UBR3: variants seen among roughly 807,000 people sequenced by gnomAD.
UBR3 encodes ubiquitin protein ligase E3 component n-recognin 3.
A neutral mutation model predicts 243.2 loss-of-function variants in UBR3; 85 were observed. The ratio of observed to expected loss-of-function variants is 0.35; its 90% confidence interval spans 0.29 to 0.42. The LOEUF is 0.42. UBR3 is among the 10% of genes least tolerant of loss of function. The pLI, the probability that UBR3 is intolerant of heterozygous loss-of-function variation, is 1.00. For synonymous variants in UBR3, 748 were observed against 799.8 expected, an observed-to-expected ratio of 0.94 and a Z score of 1.09; for missense variants, 1,686 against 2,300.8, an observed-to-expected ratio of 0.73 and a Z score of 5.47.
intron 1 of UBR3, among the ~76,000 whole-genome samples, chr2:169,851,852 A>C (rs13385498): frequency 0.25 from 37,041 of 150,928 alleles, 4,732 homozygotes; most frequent in South Asian, 0.41. Context: ...AAAAAAAAAA[A>C]AACAACAGTT....
chr2:169,969,165 T>G (rs1463927958), intron 24 of UBR3, among the ~76,000 whole-genome samples: 19 of 152,220 alleles, frequency 1.2e-4, no homozygotes, highest in Admixed American at 1.1e-3. Flanking sequence ...GTTGATTGTT[T>G]TCTTTGCTGT....
At position 169,907,983 on chromosome 2, in the gene UBR3, A is replaced by G. The variant is rs369074561; in HGVS notation, c.1779+1819A>G. Reference sequence around the variant, plus strand: ...GACAAGGTTTCACCATGTTGCACATACTTGTCTCAAACTCCTGACCTCAGG... The same window carrying G: ...GACAAGGTTTCACCATGTTGCACATGCTTGTCTCAAACTCCTGACCTCAGG... On this transcript the variant is annotated intron_variant, in intron 10 of 38. Coordinates refer to ENST00000272793, the MANE Select transcript of UBR3 (RefSeq NM_172070.4). 2.2e-4 allele frequency among the ~76,000 whole-genome samples: 34 copies of G among 152,080 alleles called. No individual in the cohort carries two copies. In the South Asian group the frequency reaches 7.1e-3, roughly 32 times the overall value.
intron 1 of UBR3, among the ~76,000 whole-genome samples, chr2:169,849,711 T>C (rs56850615): frequency 0.053 from 8,139 of 152,296 alleles, 398 homozygotes; most frequent in African/African-American, 0.13. Flanking sequence ...GATTCAGTTG[T>C]TTGCTGCTTG....
intron 1 of UBR3, among the ~76,000 whole-genome samples, chr2:169,842,268 C>T (rs1032353646): frequency 4.3e-4 from 65 of 152,096 alleles, no homozygotes; most frequent in African/African-American, 6.5e-4. Flanking sequence ...ACCTGTGTGT[C>T]GAAACTCTGT....
intron 32 of UBR3, among the ~76,000 whole-genome samples, chr2:170,055,058 A>G (rs1230479128): frequency 1.3e-5 from 2 of 152,190 alleles, no homozygotes; most frequent in African/African-American, 4.8e-5. Context: ...GCTCTTTGGG[A>G]GGCTGCAGTG....
At chr2:170,079,099 A>G (rs2091863002) in intron 36 of UBR3, among the ~76,000 whole-genome samples, 1 of 152,156 alleles carries the variant, frequency 6.6e-6, no homozygotes, top group South Asian at 2.1e-4. Flanking sequence ...CTCACTCTAC[A>G]TTTTATCTTT....
chr2:169,956,039 A>C (rs2087270575), intron 23 of UBR3, among the ~76,000 whole-genome samples: 1 of 151,792 alleles, frequency 6.6e-6, no homozygotes, highest in Admixed American at 6.6e-5. Context: ...AGAAATTTAT[A>C]TTTAGTTTTA....
At chr2:169,845,492 T>TTCGTCGTCG (rs746655489) in intron 1 of UBR3, among the ~76,000 whole-genome samples, 109 of 123,518 alleles carry the variant, frequency 8.8e-4, no homozygotes, top group East Asian at 4.6e-3. Context: ...CCTTTCCCTC[T>TTCGTCGTCG]TCGTCGTCAT....
chr2:170,025,594 A>T (rs1279504039), intron 30 of UBR3, among the ~76,000 whole-genome samples: 3 of 152,218 alleles, frequency 2.0e-5, no homozygotes, highest in Non-Finnish European at 4.4e-5. Context: ...GCAATCAATT[A>T]TGAGATATTG....
At chr2:170,008,692 G>A in intron 28 of UBR3, 112 bp from the exon 29 acceptor site, 1 of 579,232 alleles carries the variant, frequency 1.7e-6, no homozygotes, top group South Asian at 3.6e-5. Flanking sequence ...GTTCTGTTTT[G>A]ACTTTTTAAT....
At chr2:169,836,823 C>T (rs1373509369) in intron 1 of UBR3, among the ~76,000 whole-genome samples, 1 of 151,964 alleles carries the variant, frequency 6.6e-6, no homozygotes, top group Non-Finnish European at 1.5e-5. Context: ...TATTATTTGC[C>T]TGTTTTGTTT....
At chr2:169,907,621 A>G (rs892045207) in intron 10 of UBR3, among the ~76,000 whole-genome samples, 2 of 152,048 alleles carry the variant, frequency 1.3e-5, no homozygotes, top group African/African-American at 4.8e-5. Context: ...TTACTTTTCT[A>G]AGCTCTATAT....
chr2:170,007,592 T>C (rs1299139929), intron 28 of UBR3, among the ~76,000 whole-genome samples: 2 of 152,114 alleles, frequency 1.3e-5, no homozygotes, highest in African/African-American at 4.8e-5. Flanking sequence ...ACCCCGTCTC[T>C]ACTAAAAATA....
intron 20 of UBR3, among the ~76,000 whole-genome samples, chr2:169,945,683 G>C (rs922883491): frequency 5.3e-5 from 8 of 152,166 alleles, no homozygotes; most frequent in African/African-American, 1.7e-4. Context: ...TTAGTGGTCT[G>C]TTATATCATA....
chr2:169,878,420 C>T lies in UBR3; in HGVS notation c.989-105C>T, dbSNP rs923871883. 5.9e-5 allele frequency: 66 copies of T among 1,126,588 alleles called. 1 individual carries two copies. Among genetic ancestry groups the T allele is most frequent in the African/African-American group, 3.3e-4 (21 of 63,058 alleles). The allele number at this position is 1,126,588 out of a possible 1,614,324, so 69.8% of individuals were successfully genotyped here. A position where few individuals can be genotyped will look rare whatever the true frequency, so the allele number is the denominator to read the frequency against. The stretch of plus-strand genomic sequence containing the variant: ...TAACTGTTAGAATGAGGTGTCCTAA[C>T]GTAACAAAACTTAGCTTTTTGATAT... On this transcript the variant is annotated intron_variant, in intron 4 of 38. Coordinates refer to ENST00000272793, the MANE Select transcript of UBR3 (RefSeq NM_172070.4).
At chr2:169,925,513 G>T in intron 13 of UBR3, 106 bp from the exon 14 acceptor site, 1 of 1,020,644 alleles carries the variant, frequency 9.8e-7, no homozygotes, top group Non-Finnish European at 1.4e-6. Flanking sequence ...AGAATATCGG[G>T]CTTATACTAT....
intron 24 of UBR3, among the ~76,000 whole-genome samples, chr2:169,985,291 C>T (rs894419534): frequency 2.1e-5 from 3 of 146,060 alleles, no homozygotes; most frequent in Non-Finnish European, 4.5e-5. Flanking sequence ...TGCAGTGGTG[C>T]GATCTCGGCT....
intron 5 of UBR3, among the ~76,000 whole-genome samples, chr2:169,890,553 A>ATGTGTATATATATATATATGTG (rs1279934080): frequency 7.3e-5 from 7 of 96,358 alleles, no homozygotes; most frequent in East Asian, 5.2e-4. Context: ...ATATATATAT[A>ATGTGTATATATATATATATGTG]TATATATATA....
chr2:169,927,539 G>A (rs898851), intron 17 of UBR3, 134 bp downstream of exon 17: 514,040 of 635,784 alleles, frequency 0.81, 210,847 homozygotes, highest in East Asian at 0.87. Flanking sequence ...AAGAACACCA[G>A]TTGTGTGCTC....
Sources: allele counts gnomAD v4.1 joint callset (sites outside exome capture counted in the v4.1 genomes callset), GRCh38; gene constraint gnomAD v4.1.1; transcripts MANE v1.5; gene names NCBI Gene and HGNC (gene_info 2026-07-23, HGNC 2026-07-21).